DENND2B: variants seen among roughly 807,000 people sequenced by gnomAD.
DENND2B encodes DENN domain-containing protein 2B.
Under a neutral mutation model 116.0 loss-of-function variants are expected in DENND2B, and 32 were observed. That is an observed-to-expected ratio of 0.28 (90% CI 0.21 to 0.37). The LOEUF is 0.37. DENND2B is among the 10% of genes least tolerant of loss of function. The probability of loss-of-function intolerance (pLI) is 1.00; values close to 1 mark genes in which losing one functional copy is unlikely to be tolerated. For missense variants in DENND2B, 1,276 were observed against 1,477.7 expected (o/e 0.86, Z 2.24); for synonymous variants, 588 against 583.9 (o/e 1.01, Z -0.10).
intron 1 of DENND2B, among the ~76,000 whole-genome samples, chr11:8,756,436 C>A (rs916842970): frequency 1.8e-4 from 27 of 152,168 alleles, no homozygotes; most frequent in African/African-American, 6.5e-4. Context: ...ATGACAGGGA[C>A]CCTTAGTCAC....
At chr11:8,815,403 G>C (rs938221005), upstream of DENND2B, among the ~76,000 whole-genome samples, 2 of 152,092 alleles carry the variant, frequency 1.3e-5, no homozygotes, top group East Asian at 3.9e-4. Context: ...TCTGGCCTAC[G>C]CTCCCACCCA....
intron 2 of DENND2B, 109 bp from the exon 3 acceptor site, chr11:8,731,318 G>A: frequency 1.1e-5 from 12 of 1,093,850 alleles, no homozygotes; most frequent in Non-Finnish European, 1.5e-5. Context: ...TTTTCCTGGA[G>A]GACTCTCAAA....
chr11:8,802,755 G>A (rs2060468395), intron 1 of DENND2B, among the ~76,000 whole-genome samples: 1 of 152,072 alleles, frequency 6.6e-6, no homozygotes, highest in African/African-American at 2.4e-5. Flanking sequence ...CTGGTCTAAG[G>A]CTACAGAGCC....
At chr11:8,745,293 G>A (rs552458697) in intron 2 of DENND2B, among the ~76,000 whole-genome samples, 13 of 152,210 alleles carry the variant, frequency 8.5e-5, no homozygotes, top group South Asian at 2.1e-4. Context: ...GGGCTCAAGC[G>A]ATCTGCCTGC....
At chr11:8,713,103 A>ACCTGAGCCTTGTC (rs66473135) in intron 8 of DENND2B, among the ~76,000 whole-genome samples, 1 of 151,826 alleles carries the variant, frequency 6.6e-6, no homozygotes, top group African/African-American at 2.4e-5. Flanking sequence ...CCCTAGCAGG[A>ACCTGAGCCTTGTC]CATGCTCCTA....
chr11:8,738,438 T>G (rs2049518136), intron 2 of DENND2B, among the ~76,000 whole-genome samples: 1 of 152,158 alleles, frequency 6.6e-6, no homozygotes, highest in South Asian at 2.1e-4. Context: ...CACTTAACGC[T>G]CTAGAGAAAC....
chr11:8,905,515 C>A (rs72851598), intron 1 of DENND2B, among the ~76,000 whole-genome samples: 2,555 of 152,046 alleles, frequency 0.017, 21 homozygotes, highest in Non-Finnish European at 0.027. Flanking sequence ...AGATATAACA[C>A]CAAAAGCACA....
At chr11:8,716,586 A>G (rs1022543591) in intron 5 of DENND2B, among the ~76,000 whole-genome samples, 6 of 151,798 alleles carry the variant, frequency 4.0e-5, no homozygotes, top group African/African-American at 1.5e-4. Flanking sequence ...TTCTCACCCA[A>G]TCAATCTGGC....
At chr11:8,696,708 C>T (rs758085735) in intron 17 of DENND2B, 42 bp from the exon 18 acceptor site, 1 of 1,602,852 alleles carries the variant, frequency 6.2e-7, no homozygotes, top group Non-Finnish European at 8.5e-7. Flanking sequence ...GGTCAAGAGC[C>T]TGCAAAGCCT....
intron 3 of DENND2B, among the ~76,000 whole-genome samples, chr11:8,844,821 A>G (rs2062756596): frequency 6.6e-6 from 1 of 152,028 alleles, no homozygotes; most frequent in South Asian, 2.1e-4. Flanking sequence ...TGCAGCCTCA[A>G]ACTCCTGAGC....
chr11:8,855,516 G>C (rs1188745773), intron 3 of DENND2B, among the ~76,000 whole-genome samples: 1 of 151,720 alleles, frequency 6.6e-6, no homozygotes, highest in Non-Finnish European at 1.5e-5. Flanking sequence ...GCCCCTGCCA[G>C]CATCCCCACA....
chr11:8,866,670 A>G (rs1003384624), intron 2 of DENND2B, among the ~76,000 whole-genome samples: 7 of 152,228 alleles, frequency 4.6e-5, no homozygotes, highest in African/African-American at 1.7e-4. Context: ...GATTACCCTG[A>G]TCTAGAAGAA....
At chr11:8,881,959 C>T (rs1000650082) in intron 1 of DENND2B, among the ~76,000 whole-genome samples, 4 of 151,948 alleles carry the variant, frequency 2.6e-5, no homozygotes, top group African/African-American at 9.7e-5. Context: ...TTTTCACTGG[C>T]CTTCATTTAC....
At chr11:8,742,268 T>C (rs11042058) in intron 2 of DENND2B, among the ~76,000 whole-genome samples, 1 of 152,042 alleles carries the variant, frequency 6.6e-6, no homozygotes, top group South Asian at 2.1e-4. Flanking sequence ...CAGTGCTCTG[T>C]CTGAATTCCT....
chr11:8,772,128 T>TACACACACACAC (rs143227157), intron 1 of DENND2B, among the ~76,000 whole-genome samples: 1 of 147,160 alleles, frequency 6.8e-6, no homozygotes, highest in East Asian at 2.0e-4. Context: ...ATGGAAGCTC[T>TACACACACACAC]ACACACACAC....
chr11:8,750,116 C>T (rs145519636), intron 2 of DENND2B, among the ~76,000 whole-genome samples: 6 of 152,024 alleles, frequency 3.9e-5, no homozygotes, highest in Admixed American at 3.9e-4. Flanking sequence ...CACAGGGAAA[C>T]GTTCTGAGAG....
At chr11:8,734,010 T>G (rs2048541316) in intron 2 of DENND2B, among the ~76,000 whole-genome samples, 1 of 152,170 alleles carries the variant, frequency 6.6e-6, no homozygotes, top group African/African-American at 2.4e-5. Flanking sequence ...CCAGGCCCAG[T>G]GCACTGTACC....
At position 8,887,497 on chromosome 11, in the gene DENND2B, CA is replaced by C. The variant is rs368180551; in HGVS notation, c.-255-6389del. ...CACCTTATTTTACTTTACTTAACTG[CA>C]AAAAGGATGATAATATATGTGTTAA... On this transcript the variant is annotated intron_variant, in intron 1 of 22. Transcript: ENST00000534127. 2.1e-3 allele frequency among the ~76,000 whole-genome samples: 312 copies of C among 152,136 alleles called. 1 individual carries two copies. Among genetic ancestry groups the C allele is most frequent in the African/African-American group, 7.1e-3 (293 of 41,510 alleles).
At chr11:8,704,716 G>C (rs1363888496) in intron 13 of DENND2B, among the ~76,000 whole-genome samples, 3 of 152,006 alleles carry the variant, frequency 2.0e-5, no homozygotes, top group African/African-American at 4.8e-5. Flanking sequence ...GTATTTTTTT[G>C]AGATGGAGTC....
Sources: allele counts gnomAD v4.1 joint callset (sites outside exome capture counted in the v4.1 genomes callset), GRCh38; gene constraint gnomAD v4.1.1; transcripts MANE v1.5; gene names NCBI Gene and HGNC (gene_info 2026-07-23, HGNC 2026-07-21).